Variants in ZNF385D observed in about 807,000 individuals in gnomAD.
ZNF385D encodes the protein zinc finger protein 659.
Under a neutral mutation model 35.8 loss-of-function variants are expected in ZNF385D, and 15 were observed. That is an observed-to-expected ratio of 0.42 (90% confidence interval 0.28 to 0.64). The LOEUF (loss-of-function observed/expected upper bound fraction) is 0.64, where lower values mean the gene tolerates loss of function less well. Ranked by LOEUF, ZNF385D falls within the 30% of genes least tolerant of loss-of-function variation. The pLI is 0.23. For missense variants in ZNF385D, 474 were observed against 494.6 expected, an observed-to-expected ratio of 0.96 and a Z score of 0.39; for synonymous variants, 212 against 186.8, an observed-to-expected ratio of 1.13 and a Z score of -1.10.
chr3:21,788,510 C>A (rs1044337552), intron 3 of ZNF385D, among the ~76,000 whole-genome samples: 2 of 152,180 alleles, frequency 1.3e-5, no homozygotes, highest in Admixed American at 1.3e-4. Flanking sequence ...GTGTCTCTGT[C>A]TTTAATCAGA....
chr3:21,961,415 G>C (rs1341592748), intron 3 of ZNF385D: 3 of 151,826 alleles, frequency 2.0e-5, no homozygotes, highest in Admixed American at 2.0e-4. Context: ...ATTGTCAACA[G>C]GTATTTTGCC....
At chr3:21,541,792 G>A (rs1199447126) in intron 3 of ZNF385D, among the ~76,000 whole-genome samples, 1 of 152,064 alleles carries the variant, frequency 6.6e-6, no homozygotes, top group African/African-American at 2.4e-5. Context: ...TTCAATTATT[G>A]GTGACCACTA....
chr3:21,928,043 G>A (rs1700821491), intron 3 of ZNF385D, among the ~76,000 whole-genome samples: 1 of 152,018 alleles, frequency 6.6e-6, no homozygotes, highest in Non-Finnish European at 1.5e-5. Context: ...AGGCAACAGA[G>A]CAAGACTCGA....
At chr3:22,340,367 T>G (rs927004404) in intron 2 of ZNF385D, among the ~76,000 whole-genome samples, 36 of 151,866 alleles carry the variant, frequency 2.4e-4, no homozygotes, top group African/African-American at 8.7e-4. Context: ...AGAAGTGAGG[T>G]GGGCGTGGTG....
chr3:21,421,250 C>A lies in ZNF385D; in HGVS notation c.1152G>T (p.Arg384=), dbSNP rs1360877595. The change falls in exon 8 of 8, where the codon CGG becomes CGT. Residue 384 remains arginine, a synonymous_variant. Coordinates refer to ENST00000281523, the MANE Select transcript of ZNF385D (RefSeq NM_024697.3). The part of the protein sequence containing the change: ...ALLRPAPGPI[R]TAHTPVLFAP... ...CAAACAGCACAGGAGTGTGGGCGGT[C>A]CGAATGGGTCCAGGAGCTGGCCGCA... 4.3e-6 allele frequency: 7 copies of A among 1,613,896 alleles called. No individual in the cohort carries two copies. Among genetic ancestry groups the A allele is most frequent in the Middle Eastern group, 3.3e-4 (2 of 6,078 alleles).
intron 3 of ZNF385D, among the ~76,000 whole-genome samples, chr3:21,523,790 AAG>A (rs1708059099): frequency 6.6e-6 from 1 of 151,998 alleles, no homozygotes; most frequent in African/African-American, 2.4e-5. Flanking sequence ...TTTTTGAAAA[AAG>A]AAATAAAACA....
At chr3:21,442,133 G>C (rs930905212) in intron 4 of ZNF385D, among the ~76,000 whole-genome samples, 8 of 152,098 alleles carry the variant, frequency 5.3e-5, no homozygotes, top group Admixed American at 2.0e-4. Context: ...AATCCATAAA[G>C]CATAAGAAAG....
At position 22,281,690 on chromosome 3, in the gene ZNF385D, G is replaced by A. The variant is rs181701770; in HGVS notation, c.106+90760C>T. ...GCATCTATGTTCATCAGGAACACTG[G>A]TGTGTACTTTTCTTTTTTTGTTATG... On this transcript the variant is annotated intron_variant, in intron 2 of 5. Transcript: ENST00000494108. Among the ~76,000 whole-genome samples the A allele has an allele frequency of 4.7e-4, 72 of 152,084 alleles. No homozygotes were observed. In the Middle Eastern group the frequency reaches 0.01, roughly 22 times the overall value.
chr3:22,230,953 T>G (rs1320249202), intron 2 of ZNF385D, among the ~76,000 whole-genome samples: 1 of 152,114 alleles, frequency 6.6e-6, no homozygotes, highest in Non-Finnish European at 1.5e-5. Flanking sequence ...ACTCAGGAAA[T>G]GTACTAATTC....
At chr3:22,157,814 A>G (rs895038834) in intron 3 of ZNF385D, among the ~76,000 whole-genome samples, 1 of 152,156 alleles carries the variant, frequency 6.6e-6, no homozygotes, top group African/African-American at 2.4e-5. Context: ...ACTTGTTCAT[A>G]TCTTTGATTT....
intron 2 of ZNF385D, among the ~76,000 whole-genome samples, chr3:22,314,194 T>C (rs1703755249): frequency 6.6e-6 from 1 of 152,104 alleles, no homozygotes; most frequent in South Asian, 2.1e-4. Context: ...TTGATGGTGA[T>C]TTGTGAGATT....
chr3:21,546,614 AAG>A (rs1413758304), intron 3 of ZNF385D, among the ~76,000 whole-genome samples: 1 of 151,870 alleles, frequency 6.6e-6, no homozygotes, highest in Non-Finnish European at 1.5e-5. Flanking sequence ...AGCTCTAGGA[AAG>A]AGAACTGGAT....
chr3:22,359,502 A>G (rs537285592), intron 2 of ZNF385D, among the ~76,000 whole-genome samples: 9 of 152,008 alleles, frequency 5.9e-5, no homozygotes, highest in Non-Finnish European at 2.9e-5. Context: ...AATAAATGTA[A>G]CAATACTAAT....
At chr3:21,758,663 A>T (rs552972442) in intron 3 of ZNF385D, among the ~76,000 whole-genome samples, 1 of 152,222 alleles carries the variant, frequency 6.6e-6, no homozygotes, top group East Asian at 1.9e-4. Context: ...ATTAATTGAT[A>T]GTCCTGATCC....
At chr3:22,002,086 A>G (rs1355506340) in intron 3 of ZNF385D, among the ~76,000 whole-genome samples, 1 of 149,846 alleles carries the variant, frequency 6.7e-6, no homozygotes, top group Non-Finnish European at 1.5e-5. Flanking sequence ...AATAAATAAT[A>G]CAAATTAGAG....
chr3:22,070,356 C>T (rs1225438224), intron 3 of ZNF385D, among the ~76,000 whole-genome samples: 1 of 151,974 alleles, frequency 6.6e-6, no homozygotes, highest in Non-Finnish European at 1.5e-5. Context: ...GAAACGGATG[C>T]CTATGAAGTA....
At chr3:21,790,291 T>G (rs1292087855) in intron 3 of ZNF385D, among the ~76,000 whole-genome samples, 1 of 151,922 alleles carries the variant, frequency 6.6e-6, no homozygotes, top group African/African-American at 2.4e-5. Context: ...ATACATTAGA[T>G]GCCAATTCTC....
chr3:22,114,397 C>A (rs571287283), intron 3 of ZNF385D, among the ~76,000 whole-genome samples: 6 of 152,182 alleles, frequency 3.9e-5, no homozygotes, highest in African/African-American at 1.4e-4. Context: ...TCCATTTGTT[C>A]ATCATTTAAC....
chr3:21,696,463 C>T (rs968287636), intron 1 of ZNF385D, among the ~76,000 whole-genome samples: 2 of 152,142 alleles, frequency 1.3e-5, no homozygotes, highest in Non-Finnish European at 2.9e-5. Context: ...GTTTTGACAG[C>T]ACATAATCAT....
Sources: allele counts gnomAD v4.1 joint callset (sites outside exome capture counted in the v4.1 genomes callset), GRCh38; gene constraint gnomAD v4.1.1; transcripts MANE v1.5; gene names NCBI Gene and HGNC (gene_info 2026-07-23, HGNC 2026-07-21).